PCF11: variants seen among roughly 807,000 people sequenced by gnomAD.
PCF11 encodes the protein pre-mRNA cleavage complex 2 protein Pcf11.
Under a neutral mutation model 166.1 loss-of-function variants are expected in PCF11, and 19 were observed. The ratio of observed to expected loss-of-function variants is 0.11; its 90% CI spans 0.08 to 0.17. The LOEUF (loss-of-function observed/expected upper bound fraction) is 0.17. Ranked by LOEUF, PCF11 falls within the 10% of genes least tolerant of loss-of-function variation. The probability of loss-of-function intolerance (pLI) is 1.00; values close to 1 mark genes in which losing one functional copy is unlikely to be tolerated. For synonymous variants in PCF11, 663 were observed against 644.1 expected (o/e 1.03, Z -0.44); for missense variants, 1,565 against 1,855.5 (o/e 0.84, Z 2.88).
At chr11:83,175,977 A>G (rs897511802) in intron 9 of PCF11, among the ~76,000 whole-genome samples, 3 of 152,214 alleles carry the variant, frequency 2.0e-5, no homozygotes, top group Admixed American at 6.5e-5. Flanking sequence ...AGCAAAGGTC[A>G]TAGGAGCAGG....
chr11:83,158,071 A>AG (rs920371631), intron 1 of PCF11: 1 of 157,632 alleles, frequency 6.3e-6, no homozygotes, highest in Non-Finnish European at 1.4e-5. Context: ...AAGGAGGTGA[A>AG]GGGGGACCTG....
chr11:83,168,283 C>T (rs1192878321), intron 7 of PCF11, 145 bp from the exon 8 acceptor site: 3 of 729,250 alleles, frequency 4.1e-6, no homozygotes, highest in Non-Finnish European at 6.5e-6. Flanking sequence ...CTCTAGAGGG[C>T]ATCCTCTTAT....
At chr11:83,176,545 A>T (rs1301140911) in intron 9 of PCF11, among the ~76,000 whole-genome samples, 1 of 152,212 alleles carries the variant, frequency 6.6e-6, no homozygotes, top group Non-Finnish European at 1.5e-5. Context: ...AGGGACATGG[A>T]TGAAGCAGGA....
chr11:83,166,085 T>A (rs751443724), exon 5 of PCF11: 1 of 1,610,664 alleles, frequency 6.2e-7, no homozygotes, highest in Non-Finnish European at 8.5e-7. Flanking sequence ...GGTTGTCTGA[T>A]ATGAACAAGA....
At chr11:83,173,145 TCA>T (rs1860744118) in intron 9 of PCF11, among the ~76,000 whole-genome samples, 3 of 152,186 alleles carry the variant, frequency 2.0e-5, no homozygotes. Context: ...CCCCTGAGGT[TCA>T]GTTTTTTCCC....
intron 11 of PCF11, among the ~76,000 whole-genome samples, chr11:83,178,177 AC>A (rs1276751624): frequency 1.3e-5 from 2 of 151,860 alleles, no homozygotes; most frequent in Non-Finnish European, 2.9e-5. Flanking sequence ...GCACCACCAT[AC>A]CCAGCTAATT....
intron 5 of PCF11, 134 bp from the exon 6 acceptor site, chr11:83,166,991 A>G (rs994737428): frequency 3.6e-5 from 26 of 727,844 alleles, no homozygotes; most frequent in Admixed American, 5.8e-5. Context: ...TGTGCTCTTA[A>G]TCATTTATTT....
exon 8 of PCF11, chr11:83,169,223 CAGT>C (rs1685785270): frequency 1.2e-6 from 2 of 1,613,322 alleles, no homozygotes; most frequent in East Asian, 2.2e-5. Context: ...CATGGTCAGT[CAGT>C]AGCTGGTCTG....
In PCF11 at chr11:83,169,097, A is replaced by G. The variant is rs777914231; in HGVS notation, c.2762A>G (p.His921Arg). Residue 921 changes from histidine (H) to arginine (R), a missense_variant, in exon 8 of 16, where the codon CAT becomes CGT. This residue lies in a region of PCF11 where 725 missense variants were observed against 749.3 expected (regional missense o/e 0.97). Coordinates refer to ENST00000298281, the Ensembl canonical transcript of PCF11. Reference sequence around the variant, plus strand: ...GGTGGACTTAGATTTGAGGGGGGTCATGGTCCATCAGGGGCTGCGATTAGG... The same window carrying G: ...GGTGGACTTAGATTTGAGGGGGGTCGTGGTCCATCAGGGGCTGCGATTAGG... 1.7e-5 allele frequency: 27 copies of G among 1,613,536 alleles called. No homozygotes were observed. Among genetic ancestry groups the G allele is most frequent in the African/African-American group, 2.7e-5 (2 of 74,908 alleles).
At chr11:83,186,036 C>T (rs1365312217) in exon 16 of PCF11, 2 of 152,166 alleles carry the variant, frequency 1.3e-5, no homozygotes, top group Non-Finnish European at 2.9e-5. Flanking sequence ...CATCTAATAA[C>T]TACATGGTAG....
chr11:83,169,329 T>G lies in PCF11; in HGVS notation c.2994T>G (p.Pro998=), dbSNP rs1328683570. 3.1e-6 allele frequency: 5 copies of G among 1,611,946 alleles called. No individual in the cohort carries two copies. In the South Asian group the frequency reaches 4.4e-5, roughly 14 times the overall value. Residue 998 remains proline (P), a synonymous_variant, in exon 8 of 16, where the codon CCT becomes CCG. Transcript: ENST00000298281. Reference sequence around the variant, plus strand: ...GGGTTGGTATCAGGTTTGAAGGCCCTTTAGTCCAACAAGGAGGTGGAATGA... The same window carrying G: ...GGGTTGGTATCAGGTTTGAAGGCCCGTTAGTCCAACAAGGAGGTGGAATGA...
chr11:83,165,811 A>G (rs754716403), exon 5 of PCF11: 1 of 1,611,022 alleles, frequency 6.2e-7, no homozygotes, highest in Non-Finnish European at 8.5e-7. Context: ...ATAAGCCAAC[A>G]TTCTCATGGA....
intron 9 of PCF11, among the ~76,000 whole-genome samples, chr11:83,173,719 CTTTTTTTTTTTTTTT>C (rs869126679): frequency 1.7e-5 from 1 of 59,060 alleles, no homozygotes; most frequent in Non-Finnish European, 3.0e-5. Context: ...TTCTTTCTTT[CTTTTTTTTTTTTTTT>C]TTTTTTTTTT....
At chr11:83,182,311 C>T in intron 13 of PCF11, 88 bp from the exon 14 acceptor site, 1 of 697,628 alleles carries the variant, frequency 1.4e-6, no homozygotes, top group South Asian at 1.9e-5. Flanking sequence ...AAATTCTTTA[C>T]TCCACTTAAC....
At position 83,165,276 on chromosome 11, in the gene PCF11, G is replaced by A. The variant is rs182672305; in HGVS notation, c.703-324G>A. 4.0e-4 allele frequency among the ~76,000 whole-genome samples: 61 copies of A among 152,260 alleles called. No homozygotes were observed. The East Asian group carries it at 4.1e-3, about 10-fold the overall frequency. The stretch of plus-strand genomic sequence containing the variant: ...AAATGACTCTGATTCTTGTGCAGCC[G>A]GAGTGTAGTGATTTAGCAATTTCTT... On this transcript the variant is annotated intron_variant, in intron 4 of 15. Transcript: ENST00000298281.
exon 16 of PCF11, chr11:83,186,578 A>T (rs1007213826): frequency 6.6e-6 from 1 of 152,210 alleles, no homozygotes; most frequent in Non-Finnish European, 1.5e-5. Context: ...CATGCTAAGG[A>T]ATTTTTATTA....
chr11:83,161,494 AT>A, intron 2 of PCF11, 42 bp downstream of exon 2: 2 of 1,423,696 alleles, frequency 1.4e-6, no homozygotes, highest in Non-Finnish European at 1.9e-6. Context: ...TTTTTAAAAA[AT>A]GTGTTCCTGA....
intron 1 of PCF11, among the ~76,000 whole-genome samples, chr11:83,159,346 T>C (rs1402651596): frequency 2.0e-5 from 3 of 152,218 alleles, no homozygotes; most frequent in Non-Finnish European, 4.4e-5. Flanking sequence ...AAAGCACTTG[T>C]GTTTTTAAGG....
intron 1 of PCF11, 107 bp downstream of exon 1, chr11:83,157,738 C>A: frequency 9.9e-7 from 1 of 1,007,346 alleles, no homozygotes; most frequent in Non-Finnish European, 1.5e-6. Flanking sequence ...TGTTCCTTCT[C>A]TCCAACCCCC....
Sources: allele counts gnomAD v4.1 joint callset (sites outside exome capture counted in the v4.1 genomes callset), GRCh38; gene constraint gnomAD v4.1.1; regional missense constraint gnomAD v4.1.1; transcripts MANE v1.5; gene names NCBI Gene and HGNC (gene_info 2026-07-23, HGNC 2026-07-21).